Variants in SLC39A2 observed in about 807,000 individuals in gnomAD.
SLC39A2 encodes the protein zinc transporter ZIP2.
In SLC39A2, 14 loss-of-function variants were observed where a neutral mutation model predicts 18.0. The ratio of observed to expected loss-of-function variants is 0.78; its 90% CI spans 0.51 to 1.22. The LOEUF (loss-of-function observed/expected upper bound fraction) is 1.22, where lower values mean the gene tolerates loss of function less well. Ranked by LOEUF, SLC39A2 falls within the 50% of genes most tolerant of loss-of-function variation. SLC39A2 has a pLI of 0.00. For synonymous variants in SLC39A2, 152 were observed against 153.1 expected, an observed-to-expected ratio of 0.99 and a Z score of 0.05; for missense variants, 375 against 370.6, an observed-to-expected ratio of 1.01 and a Z score of -0.10.
At chr14:21,000,234 C>A in intron 3 of SLC39A2, 68 bp downstream of exon 3, 1 of 1,171,862 alleles carries the variant, frequency 8.5e-7, no homozygotes, top group Non-Finnish European at 1.3e-6. Context: ...ATATCCAGAC[C>A]CTTTTGAGAG....
Position 21,001,726 on chromosome 14 carries a change from C to A in SLC39A2, c.*147C>A. 3.3e-6 allele frequency: 2 copies of A among 608,668 alleles called. No individual in the cohort carries two copies. Among genetic ancestry groups the A allele is most frequent in the Non-Finnish European group, 2.7e-6 (1 of 376,002 alleles). The allele number at this position is 608,668 out of a possible 1,614,324, so 37.7% of individuals were successfully genotyped here. On this transcript the variant is annotated 3_prime_UTR_variant, in exon 4 of 4. Coordinates refer to ENST00000298681, the MANE Select transcript of SLC39A2 (RefSeq NM_014579.4). ...TGGACTGGACCCCAGGTTTCCTTTA[C>A]ATGAGATCCCATTTCTCACCCTGGA...
At chr14:21,000,858 C>A in intron 3 of SLC39A2, 89 bp from the exon 4 acceptor site, 1 of 1,122,358 alleles carries the variant, frequency 8.9e-7, no homozygotes, top group Non-Finnish European at 1.2e-6. Flanking sequence ...ACCACATTTT[C>A]TCATTCTCTT....
intron 3 of SLC39A2, 73 bp downstream of exon 3, chr14:21,000,239 T>G (rs1880567877): frequency 9.1e-7 from 1 of 1,102,862 alleles, no homozygotes; most frequent in East Asian, 2.4e-5. Flanking sequence ...CAGACCCTTT[T>G]GAGAGGAATA....
chr14:21,000,695 C>T (rs1000347973), intron 3 of SLC39A2, among the ~76,000 whole-genome samples: 7 of 152,140 alleles, frequency 4.6e-5, no homozygotes, highest in South Asian at 2.1e-4. Context: ...TGGTCTCAAT[C>T]TCCTGACCTC....
At position 21,001,367 on chromosome 14, in the gene SLC39A2, G is replaced by C. The variant is rs1465641654; in HGVS notation, c.718G>C (p.Ala240Pro). 1 of 1,614,080 alleles carries C rather than the reference G, an allele frequency of 6.2e-7. No homozygotes were observed. The highest frequency in any genetic ancestry group is 2.2e-5 in the East Asian group (1 of 44,894). ...LLALMSPLGL[A>P]VGLAVTGGDS... ...AGCTCTCATGTCCCCCCTGGGCCTA[G>C]CCGTAGGGCTGGCTGTGACTGGAGG... Residue 240 changes from alanine to proline, a missense_variant, in exon 4 of 4, where the codon GCC becomes CCC. Coordinates refer to ENST00000298681, the MANE Select transcript of SLC39A2 (RefSeq NM_014579.4).
At chr14:21,000,065 G>A in intron 2 of SLC39A2, 51 bp from the exon 3 acceptor site, 4 of 1,533,470 alleles carry the variant, frequency 2.6e-6, no homozygotes, top group Middle Eastern at 3.4e-4. Flanking sequence ...GGACAGCACA[G>A]GAAGCTGTGC....
chr14:21,001,591 C>T lies in SLC39A2; in HGVS notation c.*12C>T. 1 of 1,532,250 alleles carries T rather than the reference C, an allele frequency of 6.5e-7. No homozygotes were observed. The allele number at this position is 1,532,250 out of a possible 1,614,324, so 94.9% of individuals were successfully genotyped here. ...CCTTGTGGGCCTGAGAGATTCCTGG[C>T]TTTTCTGATGGACCTATTTAGGACA... On this transcript the variant is annotated 3_prime_UTR_variant, in exon 4 of 4. Coordinates refer to ENST00000298681, the MANE Select transcript of SLC39A2 (RefSeq NM_014579.4).
chr14:21,001,479 T>C lies in SLC39A2; in HGVS notation c.830T>C (p.Ile277Thr). The C allele has an allele frequency of 6.2e-7, 1 of 1,613,814 alleles. No individual in the cohort carries two copies. The highest frequency in any genetic ancestry group is 8.5e-7 in the Non-Finnish European group (1 of 1,179,764). The change falls in exon 4 of 4, where the codon ATT becomes ACT. Residue 277 changes from isoleucine (I) to threonine (T), a missense_variant. Coordinates refer to ENST00000298681, the MANE Select transcript of SLC39A2 (RefSeq NM_014579.4). ...GTFLYVTFLE[I>T]LPRELASPEA... ...TTCCTGTATGTCACCTTCCTAGAAA[T>C]TCTTCCACGGGAGCTAGCTAGTCCT... is the stretch of plus-strand genomic sequence containing the variant.
chr14:21,000,582 C>G (rs1473279136), intron 3 of SLC39A2, among the ~76,000 whole-genome samples: 1 of 152,186 alleles, frequency 6.6e-6, no homozygotes. Flanking sequence ...AGTGATTTTC[C>G]TGCCTCAGCC....
rs1880535245 is a variant in SLC39A2, at chr14:20,999,577, A to C, written c.115+16A>C. 1 of 1,606,850 alleles carries C rather than the reference A, an allele frequency of 6.2e-7. No homozygotes were observed. Among genetic ancestry groups the C allele is most frequent in the Non-Finnish European group, 8.5e-7 (1 of 1,173,680 alleles). On this transcript the variant is annotated intron_variant, in intron 1 of 3. Transcript: ENST00000298681. ...GCAGCCAGAGGTATAGCCCTACCCC[A>C]TCTTTGTTCCATAGCCTGAGTCTCA...
In SLC39A2 at chr14:21,000,166, T is replaced by G. The variant is rs749917047; in HGVS notation, c.297T>G (p.His99Gln). ...CTTCTGGTGATGCTGATTCAGCTCA[T>G]GTAAGTACCTCCCACCATCCCCTAT... The part of the protein sequence containing the change: ...RNSSGDADSA[H>Q]MEYPYGELII... Residue 99 changes from histidine to glutamine, a missense_variant and splice_region_variant, in exon 3 of 4, where the codon CAT becomes CAG. His to Gln is a conservative substitution (Grantham distance 24). Coordinates refer to ENST00000298681, the MANE Select transcript of SLC39A2 (RefSeq NM_014579.4). The G allele has an allele frequency of 4.3e-6, 7 of 1,610,644 alleles. No homozygotes were observed. In the Admixed American group the frequency reaches 1.2e-4, roughly 27 times the overall value.
At position 20,999,446 on chromosome 14, in the gene SLC39A2, G is replaced by A. The variant is rs1318997715; in HGVS notation, c.-1G>A. On this transcript the variant is annotated 5_prime_UTR_variant, in exon 1 of 4. Coordinates refer to ENST00000298681, the MANE Select transcript of SLC39A2 (RefSeq NM_014579.4). ...TCCTGGGCTTACCCTACACCCCAGA[G>A]ATGGAGCAACTACTAGGAATAAAAC... The A allele has an allele frequency of 6.2e-7, 1 of 1,612,280 alleles. No individual in the cohort carries two copies. The highest frequency in any genetic ancestry group is 8.5e-7 in the Non-Finnish European group (1 of 1,178,332).
Position 21,001,581 on chromosome 14 carries a change from A to G in SLC39A2, c.*2A>G. ...GCCTTTATTGCCTTGTGGGCCTGAG[A>G]GATTCCTGGCTTTTCTGATGGACCT... On this transcript the variant is annotated 3_prime_UTR_variant, in exon 4 of 4. Coordinates refer to ENST00000298681, the MANE Select transcript of SLC39A2 (RefSeq NM_014579.4). 1 of 1,537,752 alleles carries G rather than the reference A, an allele frequency of 6.5e-7. No homozygotes were observed. The highest frequency in any genetic ancestry group is 1.3e-5 in the South Asian group (1 of 77,066).
At position 21,001,472 on chromosome 14, in the gene SLC39A2, C is replaced by T; in HGVS notation, c.823C>T (p.Leu275=). The T allele has an allele frequency of 6.2e-7, 1 of 1,613,846 alleles. No homozygotes were observed. The highest frequency in any genetic ancestry group is 8.5e-7 in the Non-Finnish European group (1 of 1,179,796). The change falls in exon 4 of 4, where the codon CTA becomes TTA. Residue 275 remains leucine (L), a synonymous_variant. Coordinates refer to ENST00000298681, the MANE Select transcript of SLC39A2 (RefSeq NM_014579.4). ...AAGTFLYVTF[L]EILPRELASP... ...TGGTACCTTCCTGTATGTCACCTTC[C>T]TAGAAATTCTTCCACGGGAGCTAGC...
At chr14:20,999,961 G>A (rs1880555156) in intron 2 of SLC39A2, 89 bp downstream of exon 2, 1 of 1,545,592 alleles carries the variant, frequency 6.5e-7, no homozygotes. Flanking sequence ...ATGGAGCCAA[G>A]GACATGGGTG....
Position 21,001,540 on chromosome 14 carries a change from TG to T in SLC39A2, c.893del (p.Gly298ValfsTer38), listed in dbSNP as rs1371545396. On this transcript the variant is annotated frameshift_variant, in exon 4 of 4. Coordinates refer to ENST00000298681, the MANE Select transcript of SLC39A2 (RefSeq NM_014579.4). LOFTEE classifies it high-confidence loss of function. ...TAGCTAAGTGGAGCTGTGTAGCCGC[TG>T]GTTTTGCCTTCATGGCCTTTATTGC... ...PLAKWSCVAA[G>X]FAFMAFIALW... 1.6e-5 allele frequency: 25 copies of T among 1,584,440 alleles called. No homozygotes were observed. In the East Asian group the frequency reaches 5.6e-4, roughly 35 times the overall value.
In SLC39A2 at chr14:21,001,836, T is replaced by C. The variant is rs1326451808; in HGVS notation, c.*257T>C. On this transcript the variant is annotated 3_prime_UTR_variant, in exon 4 of 4. Transcript: ENST00000298681. ...CCAGATTTTATTCTTATCCCATTTA[T>C]GCTACTGTGTGTAATAAAATGCCCA... The C allele has an allele frequency of 1.2e-5, 4 of 346,288 alleles. No individual in the cohort carries two copies. Among genetic ancestry groups the C allele is most frequent in the Admixed American group, 8.8e-5 (2 of 22,810 alleles). The allele number at this position is 346,288 out of a possible 1,614,324, so 21.5% of individuals were successfully genotyped here.
Position 21,001,023 on chromosome 14 carries a change from A to C in SLC39A2, c.374A>C (p.Gln125Pro), listed in dbSNP as rs747344592. 2.6e-6 allele frequency: 4 copies of C among 1,565,640 alleles called. No individual in the cohort carries two copies. Among genetic ancestry groups the C allele is most frequent in the Non-Finnish European group, 3.5e-6 (4 of 1,155,038 alleles). Reference protein sequence around the residue: ...FVFFLESLALQCCPGAAGGST... With the variant: ...FVFFLESLALPCCPGAAGGST... ...TTCTTTTTGGAGTCGCTGGCATTGC[A>C]GTGCTGTCCTGGGGCTGCTGGAGGA... Residue 125 changes from glutamine to proline, a missense_variant, in exon 4 of 4, where the codon CAG becomes CCG. Physicochemically the swap from Gln to Pro is moderately conservative, Grantham distance 76. Transcript: ENST00000298681.
At position 21,001,225 on chromosome 14, in the gene SLC39A2, C is replaced by T. The variant is rs963873760; in HGVS notation, c.576C>T (p.Thr192=). ...AVGLQPTVAA[T]VQLCLAVLAH... ...GGCTGCAGCCGACAGTAGCAGCTAC[C>T]GTGCAGCTCTGCCTTGCTGTCCTGG... The change falls in exon 4 of 4, where the codon ACC becomes ACT. Residue 192 remains threonine (T), a synonymous_variant. Coordinates refer to ENST00000298681, the MANE Select transcript of SLC39A2 (RefSeq NM_014579.4). 2.5e-6 allele frequency: 4 copies of T among 1,614,136 alleles called. No individual in the cohort carries two copies. Among genetic ancestry groups the T allele is most frequent in the East Asian group, 2.2e-5 (1 of 44,888 alleles).
Sources: allele counts gnomAD v4.1 joint callset (sites outside exome capture counted in the v4.1 genomes callset), GRCh38; gene constraint gnomAD v4.1.1; transcripts MANE v1.5; gene names NCBI Gene and HGNC (gene_info 2026-07-23, HGNC 2026-07-21).